The following PYGB variants were observed in gnomAD, a reference collection of about 807,000 sequenced individuals.
The protein encoded by PYGB is glycogen phosphorylase, brain form.
In PYGB, 82 loss-of-function variants were observed where a neutral mutation model predicts 94.3. The observed-to-expected ratio is 0.87, with a 90% CI of 0.73 to 1.04. The LOEUF (loss-of-function observed/expected upper bound fraction) is 1.04. PYGB is among the 50% of genes least tolerant of loss of function. The pLI is 0.00. For missense variants in PYGB, 1,132 were observed against 1,158.2 expected (o/e 0.98, Z 0.33); for synonymous variants, 488 against 479.1 (o/e 1.02, Z -0.24).
At chr20:25,281,696 A>G (rs1219676051) in intron 11 of PYGB, among the ~76,000 whole-genome samples, 1 of 152,190 alleles carries the variant, frequency 6.6e-6, no homozygotes, top group African/African-American at 2.4e-5. Flanking sequence ...AACCGAGCGC[A>G]GCTTCTCAAG....
chr20:25,248,279 G>C lies in PYGB; in HGVS notation c.101G>C (p.Arg34Pro). ...GCCGAGGTGCGGAAGAGCTTCAACC[G>C]GCACTTGCACTTCACGCTGGTCAAG... ...DVAEVRKSFN[R>P]HLHFTLVKDR... Residue 34 changes from arginine to proline, a missense_variant, in exon 1 of 20, where the codon CGG becomes CCG. Physicochemically the swap from Arg to Pro is moderately radical, Grantham distance 103 (BLOSUM62 -2). Transcript: ENST00000216962. The C allele has an allele frequency of 6.2e-7, 1 of 1,602,900 alleles. No homozygotes were observed. Among genetic ancestry groups the C allele is most frequent in the Non-Finnish European group, 8.5e-7 (1 of 1,175,294 alleles).
At chr20:25,271,523 C>G (rs1163243512) in intron 4 of PYGB, 37 bp downstream of exon 4, 4 of 1,575,372 alleles carry the variant, frequency 2.5e-6, no homozygotes, top group African/African-American at 1.4e-5. Context: ...GTTTCCAGCT[C>G]TCGTTCACAC....
intron 5 of PYGB, among the ~76,000 whole-genome samples, chr20:25,276,045 C>T (rs745570732): frequency 6.6e-6 from 1 of 152,204 alleles, no homozygotes; most frequent in South Asian, 2.1e-4. Context: ...TTGGTGGTAG[C>T]GGAGCTGATG....
In PYGB at chr20:25,276,648, G is replaced by A; in HGVS notation, c.663G>A (p.Val221=). ...TGAGCAACCCGTTTTGTGGCCAGGT[G>A]GTGCTGGCCATGCCCTACGACACCC... The part of the protein sequence containing the change: ...PDGVKWLDTQ[V]VLAMPYDTPV... The change falls in exon 6 of 20, where the codon GTG becomes GTA. Residue 221 remains valine (V), a splice_region_variant and synonymous_variant. Coordinates refer to ENST00000216962, the MANE Select transcript of PYGB (RefSeq NM_002862.4). The A allele has an allele frequency of 6.2e-7, 1 of 1,612,570 alleles. No individual in the cohort carries two copies. The highest frequency in any genetic ancestry group is 1.1e-5 in the South Asian group (1 of 91,056).
intron 2 of PYGB, among the ~76,000 whole-genome samples, chr20:25,262,445 C>A (rs1358376685): frequency 6.6e-6 from 1 of 152,114 alleles, no homozygotes; most frequent in African/African-American, 2.4e-5. Flanking sequence ...TTTGTCACCA[C>A]CAGGCCTGCT....
rs199844284 is a variant in PYGB at position 25,292,554 on chromosome 20, C to G, written c.2118C>G (p.Ala706=). ...TGGAGATGGCCGAGGAGGCCGGGGC[C>G]GAGAACCTCTTCATCTTCGGCCTGC... is the stretch of plus-strand genomic sequence containing the variant. The part of the protein sequence containing the change: ...ANVEMAEEAG[A]ENLFIFGLRV... Residue 706 remains alanine, a synonymous_variant, in exon 17 of 20, where the codon GCC becomes GCG. Coordinates refer to ENST00000216962, the MANE Select transcript of PYGB (RefSeq NM_002862.4). 2 of 1,613,292 alleles carry G rather than the reference C, an allele frequency of 1.2e-6. No individual in the cohort carries two copies. Among genetic ancestry groups the G allele is most frequent in the Admixed American group, 1.7e-5 (1 of 60,030 alleles).
At chr20:25,249,385 C>T (rs1290307118) in intron 1 of PYGB, among the ~76,000 whole-genome samples, 2 of 152,098 alleles carry the variant, frequency 1.3e-5, no homozygotes, top group Non-Finnish European at 2.9e-5. Flanking sequence ...TTGTTGTTGT[C>T]GTTTGCTTTT....
chr20:25,294,740 A>T, intron 18 of PYGB: 1 of 629,838 alleles, frequency 1.6e-6, no homozygotes, highest in Non-Finnish European at 2.9e-6. Flanking sequence ...ACTTGCAACG[A>T]TGTGACATTA....
rs200201053 is a variant in PYGB at position 25,280,369 on chromosome 20, G to T, written c.1196G>T (p.Arg399Leu). ...PVSMFEKLLPRHLEIIYAINQ... is the reference protein window; with the variant it reads ...PVSMFEKLLPLHLEIIYAINQ... ...TCCATGTTTGAGAAGCTGCTGCCGC[G>T]GCACCTGGAGATAATCTATGCCATC... Residue 399 changes from arginine to leucine, a missense_variant, in exon 10 of 20, where the codon CGG (arginine) becomes CTG (leucine). Physicochemically the swap from Arg to Leu is moderately radical, Grantham distance 102 (BLOSUM62 -2). Coordinates refer to ENST00000216962, the MANE Select transcript of PYGB (RefSeq NM_002862.4). 6.2e-7 allele frequency: 1 copy of T among 1,614,170 alleles called. No individual in the cohort carries two copies. Among genetic ancestry groups the T allele is most frequent in the Non-Finnish European group, 8.5e-7 (1 of 1,180,010 alleles).
intron 16 of PYGB, among the ~76,000 whole-genome samples, chr20:25,290,894 T>C (rs149421205): frequency 1.4e-4 from 21 of 152,154 alleles, no homozygotes; most frequent in Non-Finnish European, 2.5e-4. Context: ...TGGCCTGCCC[T>C]CTGTATCCTC....
At chr20:25,266,172 A>G (rs1262321277) in intron 2 of PYGB, among the ~76,000 whole-genome samples, 1 of 152,156 alleles carries the variant, frequency 6.6e-6, no homozygotes, top group African/African-American at 2.4e-5. Context: ...TTGATTCACA[A>G]AAGTTTTTAA....
intron 15 of PYGB, chr20:25,289,963 G>GTAA (rs776805390): frequency 7.5e-6 from 4 of 533,300 alleles, no homozygotes; most frequent in Non-Finnish European, 1.5e-5. Context: ...AGTTGTCTTT[G>GTAA]TAAAGTAACA....
At chr20:25,291,389 C>G (rs151172032) in intron 16 of PYGB, among the ~76,000 whole-genome samples, 2 of 152,104 alleles carry the variant, frequency 1.3e-5, no homozygotes, top group African/African-American at 4.8e-5. Flanking sequence ...GGCCAAGGGC[C>G]CCCCCTAGTT....
chr20:25,279,182 AG>A, intron 9 of PYGB, 33 bp downstream of exon 9: 1 of 1,600,156 alleles, frequency 6.2e-7, no homozygotes. Flanking sequence ...GCACCTCCCC[AG>A]AGCCTGGAGC....
chr20:25,294,746 C>G, intron 18 of PYGB: 1 of 635,196 alleles, frequency 1.6e-6, no homozygotes, highest in East Asian at 2.8e-5. Flanking sequence ...AACGATGTGA[C>G]ATTATAATGT....
intron 2 of PYGB, among the ~76,000 whole-genome samples, chr20:25,262,670 T>TGGG (rs1221247637): frequency 6.9e-6 from 1 of 144,698 alleles, no homozygotes; most frequent in African/African-American, 2.8e-5. Context: ...CCATTTTGAC[T>TGGG]TGACTGGATA....
intron 2 of PYGB, among the ~76,000 whole-genome samples, chr20:25,262,284 G>T (rs927775727): frequency 6.6e-6 from 1 of 152,224 alleles, no homozygotes; most frequent in East Asian, 1.9e-4. Context: ...GGATCTCTTC[G>T]CAGAAACTGC....
intron 1 of PYGB, among the ~76,000 whole-genome samples, chr20:25,256,855 T>G (rs943629067): frequency 2.0e-5 from 3 of 152,246 alleles, no homozygotes; most frequent in African/African-American, 7.2e-5. Context: ...GGACAAAGCC[T>G]ATGCCTTTAC....
chr20:25,285,236 C>T (rs2257464), intron 14 of PYGB: 68,603 of 151,974 alleles, frequency 0.45, 16,106 homozygotes, highest in East Asian at 0.92. Context: ...AGATGGTGCA[C>T]GGGAACTTTG....
Sources: allele counts gnomAD v4.1 joint callset (sites outside exome capture counted in the v4.1 genomes callset), GRCh38; gene constraint gnomAD v4.1.1; transcripts MANE v1.5; gene names NCBI Gene and HGNC (gene_info 2026-07-23, HGNC 2026-07-21).